The following NT5DC3 variants were observed in gnomAD, a reference collection of about 807,000 sequenced individuals.
NT5DC3 encodes 5'-nucleotidase domain containing 3.
Under a neutral mutation model 67.8 loss-of-function variants are expected in NT5DC3, and 42 were observed. The observed-to-expected ratio is 0.62, with a 90% confidence interval of 0.48 to 0.80. The LOEUF (loss-of-function observed/expected upper bound fraction) is 0.80. Among genes scored for constraint, NT5DC3 ranks in the 30% least tolerant of loss-of-function variants. The probability of loss-of-function intolerance (pLI) is 0.00; values close to 1 mark genes in which losing one functional copy is unlikely to be tolerated. For missense variants in NT5DC3, 570 were observed against 696.4 expected (o/e 0.82, Z 2.04); for synonymous variants, 237 against 255.6 (o/e 0.93, Z 0.69).
At chr12:103,779,545 G>A (rs1885462369) in intron 13 of NT5DC3, among the ~76,000 whole-genome samples, 1 of 152,082 alleles carries the variant, frequency 6.6e-6, no homozygotes, top group Admixed American at 6.6e-5. Flanking sequence ...CTGAGGAATG[G>A]ACTCACTGCC....
chr12:103,797,057 T>G, intron 5 of NT5DC3, 26 bp from the exon 6 acceptor site: 1 of 1,613,500 alleles, frequency 6.2e-7, no homozygotes, highest in Non-Finnish European at 8.5e-7. Context: ...AAGGAATGCT[T>G]TAGAAACAGG....
chr12:103,830,660 T>C (rs1887887717), intron 1 of NT5DC3, among the ~76,000 whole-genome samples: 1 of 152,218 alleles, frequency 6.6e-6, no homozygotes, highest in South Asian at 2.1e-4. Flanking sequence ...TTAAAATCAT[T>C]CCACTAAACT....
At chr12:103,750,706 A>T in the NT5DC3 span, 3 of 1,613,380 alleles carry the variant, frequency 1.9e-6, no homozygotes, top group East Asian at 6.7e-5. Context: ...AAATGTGTCG[A>T]CCTCCACTTC....
At chr12:103,824,059 A>G (rs1887594103) in intron 1 of NT5DC3, among the ~76,000 whole-genome samples, 1 of 152,220 alleles carries the variant, frequency 6.6e-6, no homozygotes, top group Non-Finnish European at 1.5e-5. Flanking sequence ...ATCATAATGC[A>G]ATTTCACATT....
At chr12:103,752,657 T>C in the NT5DC3 span, among the ~76,000 whole-genome samples, 6 of 152,216 alleles carry the variant, frequency 3.9e-5, no homozygotes, top group Non-Finnish European at 5.9e-5. Flanking sequence ...GTGTTTTTTA[T>C]AGCTGTAAAG....
the NT5DC3 span, among the ~76,000 whole-genome samples, chr12:103,747,193 A>AT: frequency 6.6e-6 from 1 of 151,896 alleles, no homozygotes; most frequent in African/African-American, 2.4e-5. Flanking sequence ...ACACAACACC[A>AT]TTTTTTTAAG....
chr12:103,792,915 T>C (rs1403693209), intron 9 of NT5DC3, among the ~76,000 whole-genome samples: 3 of 152,252 alleles, frequency 2.0e-5, no homozygotes, highest in Non-Finnish European at 4.4e-5. Context: ...CTGCCAATCA[T>C]TTTCTTCAAG....
At chr12:103,824,810 C>T (rs2139450393) in intron 1 of NT5DC3, among the ~76,000 whole-genome samples, 1 of 142,782 alleles carries the variant, frequency 7.0e-6, no homozygotes, top group South Asian at 2.5e-4. Flanking sequence ...TACTCATTTT[C>T]TTTTGGTAAG....
the NT5DC3 span, chr12:103,755,280 G>A: frequency 6.2e-7 from 1 of 1,611,230 alleles, no homozygotes; most frequent in Non-Finnish European, 8.5e-7. Context: ...GCTGACCCAT[G>A]GCCCTGTCTG....
chr12:103,807,198 A>G (rs137956639), intron 2 of NT5DC3, among the ~76,000 whole-genome samples: 29 of 151,244 alleles, frequency 1.9e-4, no homozygotes, highest in Admixed American at 6.6e-4. Context: ...ACTTCTCTCA[A>G]CTCTCTCCTC....
At chr12:103,758,825 GCTC>G in the NT5DC3 span, among the ~76,000 whole-genome samples, 1 of 152,194 alleles carries the variant, frequency 6.6e-6, no homozygotes, top group Non-Finnish European at 1.5e-5. Context: ...CTGACCTGAG[GCTC>G]CGACAGCCCC....
At chr12:103,780,910 T>C (rs1371037615) in intron 12 of NT5DC3, among the ~76,000 whole-genome samples, 1 of 152,228 alleles carries the variant, frequency 6.6e-6, no homozygotes, top group African/African-American at 2.4e-5. Flanking sequence ...TTTTAATTTG[T>C]ACAGGGGTAG....
intron 9 of NT5DC3, among the ~76,000 whole-genome samples, chr12:103,791,285 G>A (rs1195863676): frequency 6.6e-6 from 1 of 151,990 alleles, no homozygotes; most frequent in East Asian, 1.9e-4. Flanking sequence ...GAGCTCTCTG[G>A]TGAAAAGAGA....
chr12:103,817,078 C>T (rs1340871325), intron 1 of NT5DC3, among the ~76,000 whole-genome samples: 1 of 147,540 alleles, frequency 6.8e-6, no homozygotes, highest in African/African-American at 2.5e-5. Flanking sequence ...GGCAAGACAT[C>T]TCACAGTTAT....
At chr12:103,821,150 T>A (rs1887474573) in intron 1 of NT5DC3, among the ~76,000 whole-genome samples, 1 of 152,222 alleles carries the variant, frequency 6.6e-6, no homozygotes, top group African/African-American at 2.4e-5. Flanking sequence ...GCTGGAAGGC[T>A]AAGCCACCAC....
chr12:103,789,925 G>A (rs1047810880), intron 9 of NT5DC3, among the ~76,000 whole-genome samples: 6 of 152,124 alleles, frequency 3.9e-5, no homozygotes, highest in African/African-American at 7.2e-5. Flanking sequence ...ATTTCAGTTC[G>A]TGTTTCAGTC....
At chr12:103,829,383 A>G (rs1028104380) in intron 1 of NT5DC3, among the ~76,000 whole-genome samples, 10 of 152,242 alleles carry the variant, frequency 6.6e-5, no homozygotes, top group African/African-American at 2.4e-4. Flanking sequence ...TGTGGTTTGC[A>G]ACCTTTCTTA....
chr12:103,785,585 GGTTA>G (rs1566100791), intron 11 of NT5DC3, 110 bp from the exon 12 acceptor site: 5 of 1,094,520 alleles, frequency 4.6e-6, no homozygotes, highest in Non-Finnish European at 6.9e-6. Context: ...TGATGGTAAT[GGTTA>G]GTTATTCACC....
chr12:103,836,298 T>G (rs2139488269), intron 1 of NT5DC3, among the ~76,000 whole-genome samples: 1 of 152,322 alleles, frequency 6.6e-6, no homozygotes, highest in Non-Finnish European at 1.5e-5. Flanking sequence ...AAGTCTCATC[T>G]AAGACAAGAT....
Sources: gnomAD v4.1 joint callset for allele counts (sites outside exome capture counted in the v4.1 genomes callset) on GRCh38, gnomAD v4.1.1 for gene constraint, MANE v1.5 for transcripts, NCBI Gene and HGNC (gene_info 2026-07-23, HGNC 2026-07-21) for gene names.